EDARADD: variants seen among roughly 807,000 people sequenced by gnomAD.
EDARADD encodes ectodysplasin-A receptor-associated adapter protein.
A neutral mutation model predicts 25.6 loss-of-function variants in EDARADD; 20 were observed. The observed-to-expected ratio is 0.78, with a 90% CI of 0.55 to 1.14. The LOEUF is 1.14. Ranked by LOEUF, EDARADD falls within the 50% of genes most tolerant of loss-of-function variation. The pLI is 0.00. For missense variants in EDARADD, 225 were observed against 270.1 expected (o/e 0.83, Z 1.17); for synonymous variants, 86 against 94.4 (o/e 0.91, Z 0.52).
intron 3 of EDARADD, among the ~76,000 whole-genome samples, chr1:236,417,270 AAGG>A (rs1277197703): frequency 6.6e-6 from 1 of 152,244 alleles, no homozygotes; most frequent in African/African-American, 2.4e-5. Context: ...AGTGAGTTTT[AAGG>A]AGGCCAGCTT....
At chr1:236,442,520 G>T (rs1052908908) in intron 4 of EDARADD, among the ~76,000 whole-genome samples, 1 of 152,198 alleles carries the variant, frequency 6.6e-6, no homozygotes, top group Admixed American at 6.5e-5. Flanking sequence ...TAACTCTCTT[G>T]TTAAGGGTTA....
At chr1:236,444,516 G>C (rs1324473201) in intron 4 of EDARADD, among the ~76,000 whole-genome samples, 1 of 152,158 alleles carries the variant, frequency 6.6e-6, no homozygotes, top group Non-Finnish European at 1.5e-5. Context: ...CCGCCTGCAG[G>C]GTTCAAGCGA....
At chr1:236,459,611 C>CCTTTTTT (rs776064017) in intron 4 of EDARADD, among the ~76,000 whole-genome samples, 2 of 100,462 alleles carry the variant, frequency 2.0e-5, no homozygotes. Flanking sequence ...TTATTTAGCT[C>CCTTTTTT]TTTTTTTTTT....
Position 236,483,050 on chromosome 1 carries a change from T to C in EDARADD, c.*401T>C, listed in dbSNP as rs765444080. 1.6e-4 allele frequency: 111 copies of C among 705,018 alleles called. 1 individual carries two copies. The South Asian group carries it at 1.9e-3, about 12-fold the overall frequency. 43.7% of individuals were successfully genotyped at this position (705,018 alleles called of 1,614,324 possible). A position where few individuals can be genotyped will look rare whatever the true frequency, so the allele number is the denominator to read the frequency against. ...GCATTATATGTAACATCTCTCCTGA[T>C]CAGTGCCATTCCCACGGTTTCAAAG... On this transcript the variant is annotated 3_prime_UTR_variant, in exon 6 of 6. Transcript: ENST00000334232.
intron 3 of EDARADD, among the ~76,000 whole-genome samples, chr1:236,388,233 G>C (rs927994959): frequency 6.6e-6 from 1 of 152,118 alleles, no homozygotes; most frequent in African/African-American, 2.4e-5. Context: ...ATGAGTCTGT[G>C]TCTTACATTT....
chr1:236,475,833 A>G lies in EDARADD; in HGVS notation c.266-6434A>G, dbSNP rs146404586. ...ATCTTTCGGCATATTATTTTTTAAA[A>G]TAAACTGATAATGGTTGATATGATT... On this transcript the variant is annotated intron_variant, in intron 5 of 5. Coordinates refer to ENST00000334232, the MANE Select transcript of EDARADD (RefSeq NM_145861.4). Among the ~76,000 whole-genome samples the G allele has an allele frequency of 7.7e-3, 1,176 of 152,286 alleles. 12 individuals carry two copies. Among genetic ancestry groups the G allele is most frequent in the African/African-American group, 0.027 (1,103 of 41,550 alleles).
chr1:236,356,555 C>CT (rs1666977773), intron 3 of EDARADD, among the ~76,000 whole-genome samples: 1 of 152,082 alleles, frequency 6.6e-6, no homozygotes, highest in Non-Finnish European at 1.5e-5. Flanking sequence ...CCATGATATT[C>CT]TTTGTCTTTT....
chr1:236,477,889 G>T (rs891116520), intron 5 of EDARADD, among the ~76,000 whole-genome samples: 1 of 152,130 alleles, frequency 6.6e-6, no homozygotes, highest in South Asian at 2.1e-4. Context: ...GATCACTTGA[G>T]CTCAGGAGTT....
At chr1:236,364,694 T>C (rs891568518) in intron 3 of EDARADD, among the ~76,000 whole-genome samples, 1 of 128,440 alleles carries the variant, frequency 7.8e-6, no homozygotes, top group African/African-American at 3.1e-5. Flanking sequence ...TTCTGATTGT[T>C]TGTTGCTGGT....
At chr1:236,381,748 T>A (rs1667301297) in intron 3 of EDARADD, among the ~76,000 whole-genome samples, 1 of 149,770 alleles carries the variant, frequency 6.7e-6, no homozygotes, top group African/African-American at 2.5e-5. Flanking sequence ...TCTGCTGTCA[T>A]CCTTGTTTTT....
intron 3 of EDARADD, among the ~76,000 whole-genome samples, chr1:236,422,996 C>T (rs970767831): frequency 1.3e-5 from 2 of 152,178 alleles, no homozygotes; most frequent in African/African-American, 4.8e-5. Flanking sequence ...ATGTGTAGAA[C>T]AGGGCCTGGG....
At chr1:236,375,095 AGT>A (rs1388364769) in intron 3 of EDARADD, among the ~76,000 whole-genome samples, 1 of 151,484 alleles carries the variant, frequency 6.6e-6, no homozygotes, top group Admixed American at 6.6e-5. Flanking sequence ...CTTTTTCTTT[AGT>A]TGTTGTCCTA....
At chr1:236,449,097 G>C (rs755480229) in intron 4 of EDARADD, among the ~76,000 whole-genome samples, 1 of 152,114 alleles carries the variant, frequency 6.6e-6, no homozygotes, top group Non-Finnish European at 1.5e-5. Flanking sequence ...GTGGTTTGCT[G>C]GCACTTTTTG....
chr1:236,393,375 TTTTC>T (rs201323282), upstream of EDARADD, among the ~76,000 whole-genome samples: 11 of 130,816 alleles, frequency 8.4e-5, no homozygotes, highest in East Asian at 2.2e-4. Flanking sequence ...GTCCATTTTC[TTTTC>T]TTTCTTTCTT....
At chr1:236,472,659 T>A (rs1456856209) in intron 5 of EDARADD, among the ~76,000 whole-genome samples, 3 of 152,182 alleles carry the variant, frequency 2.0e-5, no homozygotes, top group Non-Finnish European at 4.4e-5. Context: ...CTGTTGGTTA[T>A]TAATGCTTCC....
chr1:236,405,925 C>CTTTCTTTCTTTCTTTCTTTCTT lies in EDARADD; in HGVS notation c.62-3290_62-3289insTTCTTTCTTTCTTTCTTTCTTT, dbSNP rs5781879. On this transcript the variant is annotated intron_variant, in intron 1 of 5. Transcript: ENST00000334232. ...TCTTTCTTTCTTTCTTTCTTTCTTT[C>CTTTCTTTCTTTCTTTCTTTCTT]TCTTTCCTTTTTTTTTTCTGCTCAT... 1.8e-3 allele frequency among the ~76,000 whole-genome samples: 84 copies of CTTTCTTTCTTTCTTTCTTTCTT among 46,436 alleles called. 4 individuals are homozygous for CTTTCTTTCTTTCTTTCTTTCTT. The highest frequency in any genetic ancestry group is 7.4e-3 in the Middle Eastern group (1 of 136). The allele number at this position is 46,436 out of a possible 152,430, so 30.5% of individuals were successfully genotyped here.
intron 5 of EDARADD, among the ~76,000 whole-genome samples, chr1:236,480,405 T>A (rs1659639876): frequency 6.6e-6 from 1 of 152,104 alleles, no homozygotes; most frequent in South Asian, 2.1e-4. Flanking sequence ...TTTTGGATTA[T>A]CTCCTTAGGG....
At chr1:236,480,131 A>G (rs993490784) in intron 5 of EDARADD, among the ~76,000 whole-genome samples, 2 of 132,608 alleles carry the variant, frequency 1.5e-5, no homozygotes, top group East Asian at 2.1e-4. Flanking sequence ...ATATATATAT[A>G]TATATCACAT....
chr1:236,413,565 T>G (rs1044227914), intron 2 of EDARADD, among the ~76,000 whole-genome samples: 5 of 152,232 alleles, frequency 3.3e-5, no homozygotes, highest in African/African-American at 1.2e-4. Flanking sequence ...CTCCTTTTCA[T>G]TCCTCTCATG....
Sources: allele counts gnomAD v4.1 joint callset (sites outside exome capture counted in the v4.1 genomes callset), GRCh38; gene constraint gnomAD v4.1.1; transcripts MANE v1.5; gene names NCBI Gene and HGNC (gene_info 2026-07-23, HGNC 2026-07-21).